Variants in XPO5 observed in about 807,000 individuals in gnomAD.
XPO5 encodes the protein exportin-5.
A neutral mutation model predicts 160.6 loss-of-function variants in XPO5; 46 were observed. The ratio of observed to expected loss-of-function variants is 0.29; its 90% confidence interval spans 0.23 to 0.37. The LOEUF (loss-of-function observed/expected upper bound fraction) is 0.37. Ranked by LOEUF, XPO5 falls within the 10% of genes least tolerant of loss-of-function variation. The probability of loss-of-function intolerance (pLI) is 1.00; values close to 1 mark genes in which losing one functional copy is unlikely to be tolerated. For synonymous variants in XPO5, 537 were observed against 519.3 expected, an observed-to-expected ratio of 1.03 and a Z score of -0.46; for missense variants, 1,090 against 1,463.9, an observed-to-expected ratio of 0.74 and a Z score of 4.17.
Position 43,573,696 on chromosome 6 carries a change from G to A in XPO5, c.106-95C>T, listed in dbSNP as rs866805381. The A allele has an allele frequency of 6.8e-5, 97 of 1,432,336 alleles. No individual in the cohort carries two copies. In the Middle Eastern group the frequency reaches 1.8e-3, roughly 26 times the overall value. The allele number at this position is 1,432,336 out of a possible 1,614,324, so 88.7% of individuals were successfully genotyped here. On this transcript the variant is annotated intron_variant, in intron 1 of 31. Coordinates refer to ENST00000265351, the MANE Select transcript of XPO5 (RefSeq NM_020750.3). ...AGAAACTCCAACCAGGGCCGGGTGC[G>A]GTGGCTCACACCTGTCCCAGCACTC...
In XPO5 at chr6:43,549,904, C is replaced by T. The variant is rs745744493; in HGVS notation, c.1759G>A (p.Glu587Lys). 6.2e-7 allele frequency: 1 copy of T among 1,611,444 alleles called. No homozygotes were observed. The highest frequency in any genetic ancestry group is 8.5e-7 in the Non-Finnish European group (1 of 1,178,634). The part of the protein sequence containing the change: ...LFSSVTFETV[E>K]ESKAPRTRAV... ...ATTAATGGTCTTACCTTACTTTCTT[C>T]AACAGTTTCAAAAGTGACAGATGAA... Residue 587 changes from glutamate (E) to lysine (K), a missense_variant, in exon 16 of 32, where the codon GAA becomes AAA. Physicochemically the swap from Glu to Lys is moderately conservative, Grantham distance 56. This residue lies in a region of XPO5 where 810 missense variants were observed against 1,139.0 expected (regional missense o/e 0.71). Transcript: ENST00000265351.
chr6:43,569,026 C>T lies in XPO5; in HGVS notation c.622-289G>A, dbSNP rs565073310. Among the ~76,000 whole-genome samples the T allele has an allele frequency of 6.6e-5, 10 of 152,330 alleles. No individual in the cohort carries two copies. In the East Asian group the frequency reaches 1.5e-3, roughly 24 times the overall value. ...ACTGGATGTTGGCCAGGCGTGGTGGCTCACGCCTGTAATCCCAGCAGTCTG... is the reference window on the plus strand; with the variant it reads ...ACTGGATGTTGGCCAGGCGTGGTGGTTCACGCCTGTAATCCCAGCAGTCTG... On this transcript the variant is annotated intron_variant, in intron 5 of 31. Coordinates refer to ENST00000265351, the MANE Select transcript of XPO5 (RefSeq NM_020750.3).
chr6:43,529,565 A>AG (rs1285438059), intron 23 of XPO5: 3 of 183,180 alleles, frequency 1.6e-5, no homozygotes, highest in African/African-American at 7.3e-5. Flanking sequence ...AAAAAAAAAA[A>AG]AAAGAAAAGA....
rs763028102 is a variant in XPO5, at chr6:43,524,534, C to T, written c.3414G>A (p.Leu1138=). 1.7e-5 allele frequency: 27 copies of T among 1,613,814 alleles called. No homozygotes were observed. Among genetic ancestry groups the T allele is most frequent in the Admixed American group, 1.3e-4 (8 of 59,998 alleles). Reference sequence around the variant, plus strand: ...TTCGGCGCTTGTCAGCCACTTTCTGCAGGGAGGGGTTTAAAAGCTTGCAGT... The same window carrying T: ...TTCGGCGCTTGTCAGCCACTTTCTGTAGGGAGGGGTTTAAAAGCTTGCAGT... The part of the protein sequence containing the change: ...QFDCKLLNPS[L]QKVADKRRKD... Residue 1138 remains leucine (L), a synonymous_variant, in exon 31 of 32, where the codon CTG becomes CTA. Transcript: ENST00000265351.
In XPO5 at chr6:43,531,528, T is replaced by C. The variant is rs753201975; in HGVS notation, c.2491A>G (p.Thr831Ala). The change falls in exon 22 of 32, where the codon ACC becomes GCC. Residue 831 changes from threonine to alanine, a missense_variant. Around this residue, in one of 3 missense-constraint regions of XPO5, gnomAD observed 810 missense variants for 1,139.0 expected, o/e 0.71. Coordinates refer to ENST00000265351, the MANE Select transcript of XPO5 (RefSeq NM_020750.3). ...AAACGCTGCATTCTTTCCAAGACGG[T>C]TTTGAAGACAGGAGAGTCATTGAGT... ...LELNDSPVFK[T>A]VLERMQRFFS... 6.2e-7 allele frequency: 1 copy of C among 1,613,864 alleles called. No homozygotes were observed. The highest frequency in any genetic ancestry group is 1.3e-5 in the African/African-American group (1 of 75,008).
At chr6:43,543,764 C>T (rs1156747723) in intron 20 of XPO5, among the ~76,000 whole-genome samples, 1 of 151,952 alleles carries the variant, frequency 6.6e-6, no homozygotes, top group East Asian at 1.9e-4. Flanking sequence ...GCAACCTCCA[C>T]CTCCCAGGTT....
intron 6 of XPO5, among the ~76,000 whole-genome samples, chr6:43,568,435 G>C (rs1762816082): frequency 6.6e-6 from 1 of 151,808 alleles, no homozygotes; most frequent in Non-Finnish European, 1.5e-5. Flanking sequence ...AACACACTGA[G>C]ACCCTGTTTC....
chr6:43,556,758 G>C (rs1408545113), intron 12 of XPO5, among the ~76,000 whole-genome samples: 1 of 152,034 alleles, frequency 6.6e-6, no homozygotes, highest in Non-Finnish European at 1.5e-5. Context: ...CCAAAAAATG[G>C]AAATAACTCA....
In XPO5 at chr6:43,573,154, T is replaced by C. The variant is rs545510885; in HGVS notation, c.227+326A>G. Among the ~76,000 whole-genome samples the C allele has an allele frequency of 7.9e-5, 12 of 152,346 alleles. No homozygotes were observed. The South Asian group carries it at 1.0e-3, about 13-fold the overall frequency. ...GCCACAGTGCCTAATCAGAGATTCA[T>C]TGACCTATACATTGCATTACTCTAA... is the stretch of plus-strand genomic sequence containing the variant. On this transcript the variant is annotated intron_variant, in intron 2 of 31. Transcript: ENST00000265351.
chr6:43,545,566 G>T (rs1168798501), intron 20 of XPO5, among the ~76,000 whole-genome samples: 1 of 152,112 alleles, frequency 6.6e-6, no homozygotes, highest in Non-Finnish European at 1.5e-5. Context: ...AATTAGCCAG[G>T]AGTGGTGGTG....
In XPO5 at chr6:43,530,743, G is replaced by A; in HGVS notation, c.2622C>T (p.Ser874=). 1 of 1,614,000 alleles carries A rather than the reference G, an allele frequency of 6.2e-7. No individual in the cohort carries two copies. Among genetic ancestry groups the A allele is most frequent in the East Asian group, 2.2e-5 (1 of 44,886 alleles). ...TVEDLATQLL[S]SAFVNLNNIP... is the part of the protein sequence containing the mutation. ...TATTGTTCAAGTTGACAAAGGCTGA[G>A]CTGAGAAGCTGGGTAGCAAGGTCCT... Residue 874 remains serine (S), a synonymous_variant, in exon 23 of 32, where the codon AGC becomes AGT. Coordinates refer to ENST00000265351, the MANE Select transcript of XPO5 (RefSeq NM_020750.3).
intron 1 of XPO5, among the ~76,000 whole-genome samples, chr6:43,574,251 C>T (rs9394958): frequency 0.036 from 5,507 of 151,578 alleles, 305 homozygotes; most frequent in East Asian, 0.25. Flanking sequence ...TGAAGTGAGC[C>T]GAGATCTCAC....
At position 43,524,424 on chromosome 6, in the gene XPO5, T is replaced by C. The variant is rs1401974512; in HGVS notation, c.3477+47A>G. ...CTGGTTTATGGTTTGCCCATACACA[T>C]GATTTAAGAAGGGGGTTGGGAGCAC... On this transcript the variant is annotated intron_variant, in intron 31 of 31. Transcript: ENST00000265351. 4 of 1,588,818 alleles carry C rather than the reference T, an allele frequency of 2.5e-6. No homozygotes were observed. The African/African-American group carries it at 4.1e-5, about 16-fold the overall frequency.
At position 43,562,311 on chromosome 6, in the gene XPO5, T is replaced by C; in HGVS notation, c.947A>G (p.Tyr316Cys). ...CTGACAGAGCCTCTTCAGAAAGACG[T>C]AGTGTTTTTCTACCAAACCTCCTCC... Reference protein sequence around the residue: ...ADGGGLVEKHYVFLKRLCQVL... With the variant: ...ADGGGLVEKHCVFLKRLCQVL... The change falls in exon 9 of 32, where the codon TAC becomes TGC. Residue 316 changes from tyrosine (Y) to cysteine (C), a missense_variant. Around this residue, in one of 3 missense-constraint regions of XPO5, gnomAD observed 810 missense variants for 1,139.0 expected, o/e 0.71. Coordinates refer to ENST00000265351, the MANE Select transcript of XPO5 (RefSeq NM_020750.3). The C allele has an allele frequency of 6.2e-7, 1 of 1,609,696 alleles. No individual in the cohort carries two copies. Among genetic ancestry groups the C allele is most frequent in the Non-Finnish European group, 8.5e-7 (1 of 1,178,218 alleles).
At chr6:43,553,941 C>T (rs1761872858) in intron 13 of XPO5, among the ~76,000 whole-genome samples, 1 of 152,052 alleles carries the variant, frequency 6.6e-6, no homozygotes, top group Non-Finnish European at 1.5e-5. Context: ...AGAATCTTCC[C>T]AATAAGGAAA....
At position 43,548,432 on chromosome 6, in the gene XPO5, A is replaced by C. The variant is rs1199273810; in HGVS notation, c.1889T>G (p.Val630Gly). 1.9e-6 allele frequency: 3 copies of C among 1,605,168 alleles called. No individual in the cohort carries two copies. The highest frequency in any genetic ancestry group is 4.5e-5 in the East Asian group (2 of 44,710). ...TAGCTCATTGGAGAGGAGTTGCTTC[A>C]CATGGTTATAAAGCATGTCAAAATT... ...LPNFDMLYNH[V>G]KQLLSNELLL... The change falls in exon 18 of 32, where the codon GTG (valine) becomes GGG (glycine). Residue 630 changes from valine to glycine, a missense_variant. Physicochemically the swap from Val to Gly is moderately radical, Grantham distance 109. This residue lies in a region of XPO5 where 810 missense variants were observed against 1,139.0 expected (regional missense o/e 0.71). Transcript: ENST00000265351.
intron 21 of XPO5, among the ~76,000 whole-genome samples, chr6:43,531,900 C>A (rs1268594736): frequency 1.3e-5 from 2 of 152,140 alleles, no homozygotes; most frequent in African/African-American, 4.8e-5. Flanking sequence ...GTTATGAAAC[C>A]CCTTTTTTAA....
chr6:43,525,644 C>G, intron 28 of XPO5, 195 bp downstream of exon 28: 1 of 596,002 alleles, frequency 1.7e-6, no homozygotes, highest in Non-Finnish European at 2.9e-6. Flanking sequence ...CTGAGAGCTC[C>G]TGCCTATGCT....
chr6:43,544,436 A>G (rs2127724947), intron 20 of XPO5, among the ~76,000 whole-genome samples: 1 of 152,298 alleles, frequency 6.6e-6, no homozygotes, highest in South Asian at 2.1e-4. Context: ...AAAGAAAATT[A>G]TATAAAAAAA....
Sources: allele counts gnomAD v4.1 joint callset (sites outside exome capture counted in the v4.1 genomes callset), GRCh38; gene constraint gnomAD v4.1.1; regional missense constraint gnomAD v4.1.1; transcripts MANE v1.5; gene names NCBI Gene and HGNC (gene_info 2026-07-23, HGNC 2026-07-21).